PDE3B: variants seen among roughly 807,000 people sequenced by gnomAD.
The protein encoded by PDE3B is cGMP-inhibited 3',5'-cyclic phosphodiesterase 3B.
Under a neutral mutation model 116.8 loss-of-function variants are expected in PDE3B, and 66 were observed. The ratio of observed to expected loss-of-function variants is 0.56; its 90% CI spans 0.46 to 0.69. The LOEUF (loss-of-function observed/expected upper bound fraction) is 0.69, where lower values mean the gene tolerates loss of function less well. PDE3B is among the 30% of genes least tolerant of loss of function. The pLI, the probability that PDE3B is intolerant of heterozygous loss-of-function variation, is 0.00. For synonymous variants in PDE3B, 595 were observed against 533.6 expected (o/e 1.12, Z -1.59); for missense variants, 1,384 against 1,368.1 (o/e 1.01, Z -0.18).
chr11:14,757,231 T>G (rs1358830653), intron 1 of PDE3B, among the ~76,000 whole-genome samples: 3 of 151,536 alleles, frequency 2.0e-5, no homozygotes, highest in African/African-American at 7.3e-5. Context: ...GTTCCAAGTC[T>G]TTGCTATTGT....
chr11:14,788,897 AT>A (rs1200931676), intron 3 of PDE3B: 16 of 360,614 alleles, frequency 4.4e-5, no homozygotes, highest in Non-Finnish European at 7.4e-5. Flanking sequence ...GTTCAGACAT[AT>A]TTTTTAGTAG....
intron 7 of PDE3B, 63 bp downstream of exon 7, chr11:14,819,272 A>G: frequency 1.0e-6 from 1 of 960,228 alleles, no homozygotes; most frequent in Non-Finnish European, 1.7e-6. Context: ...GATTTTTAGA[A>G]TGGGAAAATG....
intron 12 of PDE3B, among the ~76,000 whole-genome samples, chr11:14,853,813 G>C (rs1847800577): frequency 6.6e-6 from 1 of 152,198 alleles, no homozygotes. Flanking sequence ...AGAGATTTCT[G>C]AGCTATTTCC....
At chr11:14,671,332 A>G (rs1321581022) in intron 1 of PDE3B, among the ~76,000 whole-genome samples, 1 of 152,066 alleles carries the variant, frequency 6.6e-6, no homozygotes, top group Non-Finnish European at 1.5e-5. Flanking sequence ...AAATGTTGAG[A>G]AGGAGCTGGT....
At chr11:14,822,865 C>T (rs1276082381) in intron 7 of PDE3B, among the ~76,000 whole-genome samples, 1 of 152,190 alleles carries the variant, frequency 6.6e-6, no homozygotes, top group Non-Finnish European at 1.5e-5. Flanking sequence ...CTTGGAACTC[C>T]AGCCAGCCAC....
At chr11:14,651,433 A>G (rs1391637020) in intron 1 of PDE3B, among the ~76,000 whole-genome samples, 1 of 152,204 alleles carries the variant, frequency 6.6e-6, no homozygotes, top group African/African-American at 2.4e-5. Context: ...GGGCGATACA[A>G]TTCAGCCCAT....
chr11:14,710,370 T>C (rs1418753967), intron 1 of PDE3B, among the ~76,000 whole-genome samples: 4 of 152,194 alleles, frequency 2.6e-5, no homozygotes, highest in Non-Finnish European at 5.9e-5. Context: ...CCTCTTCTTA[T>C]GGAAATATAT....
At chr11:14,645,082 A>G (rs1274336275) in intron 1 of PDE3B, 29 bp downstream of exon 1, 1 of 1,447,208 alleles carries the variant, frequency 6.9e-7, no homozygotes, top group South Asian at 1.3e-5. Context: ...GAGGTCTGGG[A>G]CGCGAGCGGG....
the PDE3B span, among the ~76,000 whole-genome samples, chr11:14,889,322 A>C: frequency 6.6e-6 from 1 of 152,196 alleles, no homozygotes; most frequent in South Asian, 2.1e-4. Context: ...GTATTTTAAC[A>C]ATTTATGCCA....
At chr11:14,781,640 AG>A (rs1365742488) in intron 2 of PDE3B, among the ~76,000 whole-genome samples, 1 of 152,208 alleles carries the variant, frequency 6.6e-6, no homozygotes, top group Non-Finnish European at 1.5e-5. Flanking sequence ...TCAATAAATT[AG>A]GTATTGATGG....
intron 14 of PDE3B, among the ~76,000 whole-genome samples, chr11:14,865,952 T>C (rs1284560515): frequency 6.6e-6 from 1 of 152,190 alleles, no homozygotes; most frequent in Non-Finnish European, 1.5e-5. Flanking sequence ...GAATTAATAC[T>C]TATTAAGCAA....
At chr11:14,817,935 A>G (rs1859384330) in intron 5 of PDE3B, among the ~76,000 whole-genome samples, 1 of 152,174 alleles carries the variant, frequency 6.6e-6, no homozygotes, top group South Asian at 2.1e-4. Flanking sequence ...ACATTTACCT[A>G]TTATAAATGT....
intron 1 of PDE3B, chr11:14,673,579 C>T (rs574288057): frequency 3.0e-5 from 17 of 560,452 alleles, no homozygotes; most frequent in African/African-American, 1.9e-4. Context: ...GTGAGAGCGC[C>T]TCTCACATGG....
chr11:14,756,677 C>A (rs940889167), intron 1 of PDE3B, among the ~76,000 whole-genome samples: 5 of 152,090 alleles, frequency 3.3e-5, no homozygotes, highest in Non-Finnish European at 7.3e-5. Context: ...TGGAGAATAT[C>A]CACCTCAGAG....
chr11:14,769,138 C>T (rs991022803), intron 1 of PDE3B, among the ~76,000 whole-genome samples: 4 of 151,106 alleles, frequency 2.6e-5, no homozygotes, highest in Non-Finnish European at 5.9e-5. Context: ...GATTCAAAGC[C>T]AATCTAGCAA....
the PDE3B span, among the ~76,000 whole-genome samples, chr11:14,882,900 C>G: frequency 8.6e-5 from 13 of 152,018 alleles, no homozygotes; most frequent in Non-Finnish European, 1.2e-4. Flanking sequence ...CAGACAAACA[C>G]AGAGCCAAAT....
intron 1 of PDE3B, among the ~76,000 whole-genome samples, chr11:14,669,385 A>G (rs902121714): frequency 6.6e-6 from 1 of 152,146 alleles, no homozygotes; most frequent in Admixed American, 6.5e-5. Flanking sequence ...GATATAAACA[A>G]GAGTCTCCTG....
At chr11:14,832,513 G>T (rs1859916968) in intron 9 of PDE3B, among the ~76,000 whole-genome samples, 1 of 152,138 alleles carries the variant, frequency 6.6e-6, no homozygotes, top group African/African-American at 2.4e-5. Flanking sequence ...TGTATGGTAA[G>T]CCTTCTTTAA....
intron 1 of PDE3B, among the ~76,000 whole-genome samples, chr11:14,730,333 G>A (rs968868600): frequency 1.3e-5 from 2 of 152,168 alleles, no homozygotes; most frequent in African/African-American, 4.8e-5. Context: ...ACTAAGCTCT[G>A]TGGTCTATCA....
Sources: allele counts gnomAD v4.1 joint callset (sites outside exome capture counted in the v4.1 genomes callset), GRCh38; gene constraint gnomAD v4.1.1; transcripts MANE v1.5; gene names NCBI Gene and HGNC (gene_info 2026-07-23, HGNC 2026-07-21).